HPSE2: variants seen among roughly 807,000 people sequenced by gnomAD.
HPSE2 encodes heparanase 2 (inactive).
HPSE2 carries 38 observed loss-of-function variants against 60.5 expected under a neutral mutation model. That is an observed-to-expected ratio of 0.63 (90% CI 0.48 to 0.82). The LOEUF (loss-of-function observed/expected upper bound fraction) is 0.82. HPSE2 is among the 40% of genes least tolerant of loss of function. HPSE2 has a pLI of 0.00. For synonymous variants in HPSE2, 295 were observed against 293.2 expected, an observed-to-expected ratio of 1.01 and a Z score of -0.06; for missense variants, 713 against 740.4, an observed-to-expected ratio of 0.96 and a Z score of 0.43.
chr10:98,482,293 G>T (rs1045265535), intron 11 of HPSE2, among the ~76,000 whole-genome samples: 1 of 152,140 alleles, frequency 6.6e-6, no homozygotes, highest in Non-Finnish European at 1.5e-5. Flanking sequence ...ACATGACCAT[G>T]GGGCACTATT....
At chr10:98,940,897 G>T in intron 3 of HPSE2, among the ~76,000 whole-genome samples, 1 of 131,254 alleles carries the variant, frequency 7.6e-6, no homozygotes, top group African/African-American at 3.4e-5. Context: ...AATCAAGTGG[G>T]CTTCATCCCT....
chr10:98,717,359 G>C (rs1477526783), intron 5 of HPSE2, among the ~76,000 whole-genome samples: 1 of 152,162 alleles, frequency 6.6e-6, no homozygotes, highest in East Asian at 1.9e-4. Flanking sequence ...TTTCCTTCAA[G>C]AACTTTACCT....
At position 98,697,161 on chromosome 10, in the gene HPSE2, T is replaced by C. The variant is rs767941787; in HGVS notation, c.957-3214A>G. On this transcript the variant is annotated intron_variant, in intron 5 of 11. Transcript: ENST00000370552. ...CTGGACAGAGGATGCGATGGATGAA[T>C]TGACAGAAGTAGGCTTCATTCAGAA... Among the ~76,000 whole-genome samples, 108 of 152,234 alleles carry C rather than the reference T, an allele frequency of 7.1e-4. 1 individual carries two copies. Among genetic ancestry groups the C allele is most frequent in the African/African-American group, 1.9e-3 (77 of 41,542 alleles).
In HPSE2 at chr10:98,602,373, G is replaced by C. The variant is rs192637909; in HGVS notation, c.1320+12531C>G. Among the ~76,000 whole-genome samples, 524 of 152,282 alleles carry C rather than the reference G, an allele frequency of 3.4e-3. 1 individual carries two copies. Among genetic ancestry groups the C allele is most frequent in the Non-Finnish European group, 5.5e-3 (377 of 68,008 alleles). The stretch of plus-strand genomic sequence containing the variant: ...TTATGAACTTACCACCTGACATGGG[G>C]CTTTGGAAGGGCTGAAAACATTGGA... On this transcript the variant is annotated intron_variant, in intron 9 of 11. Coordinates refer to ENST00000370552, the MANE Select transcript of HPSE2 (RefSeq NM_021828.5).
intron 2 of HPSE2, among the ~76,000 whole-genome samples, chr10:99,201,772 A>G (rs1228158096): frequency 6.6e-6 from 1 of 152,196 alleles, no homozygotes; most frequent in East Asian, 1.9e-4. Context: ...AAAGGTTAAT[A>G]TGCATAAAAC....
chr10:98,752,026 C>G (rs536997589), intron 3 of HPSE2, among the ~76,000 whole-genome samples: 1 of 152,208 alleles, frequency 6.6e-6, no homozygotes, highest in Non-Finnish European at 1.5e-5. Context: ...CTCAATCTTT[C>G]TATCAGTCTA....
chr10:98,975,611 T>C (rs940021850), intron 3 of HPSE2, among the ~76,000 whole-genome samples: 4 of 152,154 alleles, frequency 2.6e-5, no homozygotes, highest in Admixed American at 2.0e-4. Flanking sequence ...AGAATAAATA[T>C]TTATTGAAAA....
At chr10:99,088,346 T>C (rs949208338) in intron 3 of HPSE2, among the ~76,000 whole-genome samples, 2 of 152,158 alleles carry the variant, frequency 1.3e-5, no homozygotes, top group Non-Finnish European at 2.9e-5. Context: ...TGTAGTCTTT[T>C]ACCCTTCACC....
At chr10:98,459,870 G>T in intron 11 of HPSE2, 131 bp from the exon 12 acceptor site, 1 of 891,434 alleles carries the variant, frequency 1.1e-6, no homozygotes, top group Non-Finnish European at 1.8e-6. Context: ...TACTGGCTAT[G>T]CCCTAGATTC....
At chr10:98,579,540 A>G (rs1944735136) in intron 9 of HPSE2, among the ~76,000 whole-genome samples, 1 of 152,100 alleles carries the variant, frequency 6.6e-6, no homozygotes, top group South Asian at 2.1e-4. Context: ...TCCACTTTGT[A>G]AGAGGAGGTC....
chr10:99,005,621 A>T (rs1463721533), intron 3 of HPSE2, among the ~76,000 whole-genome samples: 2 of 152,100 alleles, frequency 1.3e-5, no homozygotes, highest in African/African-American at 4.8e-5. Context: ...TAAGACAATC[A>T]TCTTGAACTG....
intron 3 of HPSE2, among the ~76,000 whole-genome samples, chr10:98,989,698 G>A (rs946482847): frequency 6.6e-6 from 1 of 152,046 alleles, no homozygotes; most frequent in South Asian, 2.1e-4. Flanking sequence ...AATCCAGGAT[G>A]CTTGGTCTCC....
intron 2 of HPSE2, among the ~76,000 whole-genome samples, chr10:99,178,433 G>A (rs1478342977): frequency 6.6e-6 from 1 of 151,912 alleles, no homozygotes; most frequent in African/African-American, 2.4e-5. Context: ...AGTGATAAAG[G>A]GGAGATCACC....
chr10:98,982,512 T>G (rs1399682817), intron 3 of HPSE2, among the ~76,000 whole-genome samples: 1 of 152,158 alleles, frequency 6.6e-6, no homozygotes, highest in Non-Finnish European at 1.5e-5. Context: ...ACAAATAAAT[T>G]TTTATCTCTT....
chr10:98,644,145 G>C (rs1005771219), intron 6 of HPSE2, among the ~76,000 whole-genome samples: 10 of 152,072 alleles, frequency 6.6e-5, no homozygotes, highest in Admixed American at 2.6e-4. Flanking sequence ...CCAGAATCTG[G>C]AGTTAGAAAA....
intron 4 of HPSE2, among the ~76,000 whole-genome samples, chr10:98,732,818 C>T (rs913267791): frequency 6.6e-6 from 1 of 152,018 alleles, no homozygotes; most frequent in African/African-American, 2.4e-5. Context: ...AAGATGCCAT[C>T]AAGTTACAAA....
chr10:98,843,294 T>C (rs1322863763), intron 3 of HPSE2, among the ~76,000 whole-genome samples: 1 of 152,190 alleles, frequency 6.6e-6, no homozygotes, highest in South Asian at 2.1e-4. Flanking sequence ...AAACATGCAG[T>C]ATTTGGTTCT....
intron 9 of HPSE2, among the ~76,000 whole-genome samples, chr10:98,575,883 C>CTCAAAATATCTTGT (rs778765053): frequency 3.3e-5 from 5 of 152,066 alleles, no homozygotes; most frequent in African/African-American, 4.8e-5. Context: ...GTTAAATTCA[C>CTCAAAATATCTTGT]CTGATAAAGA....
chr10:98,992,747 A>G (rs1199341262), intron 3 of HPSE2, among the ~76,000 whole-genome samples: 1 of 152,264 alleles, frequency 6.6e-6, no homozygotes, highest in Admixed American at 6.5e-5. Context: ...AGTATTCTCA[A>G]TGGTAGCCAT....
Sources: allele counts gnomAD v4.1 joint callset (sites outside exome capture counted in the v4.1 genomes callset), GRCh38; gene constraint gnomAD v4.1.1; transcripts MANE v1.5; gene names NCBI Gene and HGNC (gene_info 2026-07-23, HGNC 2026-07-21).